Variants in ADAMTS19 observed in about 807,000 individuals in gnomAD.
ADAMTS19 encodes ADAM metallopeptidase with thrombospondin type 1 motif 19, also known as A disintegrin and metalloproteinase with thrombospondin motifs 19.
In ADAMTS19, 93 loss-of-function variants were observed where a neutral mutation model predicts 153.3. The ratio of observed to expected loss-of-function variants is 0.61; its 90% CI spans 0.51 to 0.72. ADAMTS19 has a LOEUF of 0.72. Ranked by LOEUF, ADAMTS19 falls within the 30% of genes least tolerant of loss-of-function variation. The probability of loss-of-function intolerance (pLI) is 0.00; values close to 1 mark genes in which losing one functional copy is unlikely to be tolerated. For missense variants in ADAMTS19, 1,482 were observed against 1,552.1 expected (o/e 0.95, Z 0.76); for synonymous variants, 600 against 556.6 (o/e 1.08, Z -1.10).
At chr5:129,554,614 G>T (rs1400788517) in intron 7 of ADAMTS19, among the ~76,000 whole-genome samples, 2 of 152,168 alleles carry the variant, frequency 1.3e-5, no homozygotes, top group South Asian at 2.1e-4. Flanking sequence ...GAGATGGAAG[G>T]TTTCTTTCTC....
At chr5:129,620,114 C>A (rs1751711297) in intron 8 of ADAMTS19, among the ~76,000 whole-genome samples, 1 of 151,284 alleles carries the variant, frequency 6.6e-6, no homozygotes. Flanking sequence ...ACAAAGAAGG[C>A]CAGGATAATT....
intron 7 of ADAMTS19, among the ~76,000 whole-genome samples, chr5:129,580,828 G>A (rs979766868): frequency 3.3e-5 from 5 of 152,078 alleles, no homozygotes; most frequent in South Asian, 4.1e-4. Context: ...TGCTGGATTC[G>A]GTTTGCCAGA....
intron 21 of ADAMTS19, among the ~76,000 whole-genome samples, chr5:129,713,934 C>T (rs939589861): frequency 4.6e-5 from 7 of 152,126 alleles, no homozygotes; most frequent in South Asian, 2.1e-4. Context: ...GTTCCTTAGT[C>T]CCCCTAGCCT....
intron 6 of ADAMTS19, among the ~76,000 whole-genome samples, chr5:129,531,400 A>G (rs1752198157): frequency 6.6e-6 from 1 of 152,154 alleles, no homozygotes; most frequent in Non-Finnish European, 1.5e-5. Flanking sequence ...TGAGGTGGGC[A>G]GACTGCCTGA....
rs7726403 is a variant in ADAMTS19 at position 129,712,466 on chromosome 5, C to T, written c.3312+8075C>T. ...CCATTTTGTTGTTTAGATATATCCA[C>T]TGAGTACTTACAAAACTTGCTACTC... On this transcript the variant is annotated intron_variant, in intron 21 of 22. Coordinates refer to ENST00000274487, the MANE Select transcript of ADAMTS19 (RefSeq NM_133638.6). Among the ~76,000 whole-genome samples, 1,140 of 152,282 alleles carry T rather than the reference C, an allele frequency of 7.5e-3. 22 individuals carry two copies. Among genetic ancestry groups the T allele is most frequent in the African/African-American group, 0.026 (1,088 of 41,554 alleles).
At chr5:129,472,461 T>G (rs1750098861) in intron 2 of ADAMTS19, among the ~76,000 whole-genome samples, 1 of 152,232 alleles carries the variant, frequency 6.6e-6, no homozygotes, top group African/African-American at 2.4e-5. Context: ...CCTTACTTAA[T>G]AATATCCTCC....
intron 19 of ADAMTS19, among the ~76,000 whole-genome samples, chr5:129,700,530 A>G (rs1755786629): frequency 1.3e-5 from 2 of 152,152 alleles, no homozygotes; most frequent in Non-Finnish European, 2.9e-5. Flanking sequence ...CTCACTGTTA[A>G]GTAGTCTACA....
At chr5:129,603,533 G>A (rs1360506473) in intron 8 of ADAMTS19, among the ~76,000 whole-genome samples, 1 of 152,054 alleles carries the variant, frequency 6.6e-6, no homozygotes, top group Non-Finnish European at 1.5e-5. Context: ...CCAACCAAAA[G>A]TAAACTAACC....
intron 3 of ADAMTS19, among the ~76,000 whole-genome samples, chr5:129,512,523 G>T (rs1037537736): frequency 1.3e-5 from 2 of 152,032 alleles, no homozygotes; most frequent in Non-Finnish European, 2.9e-5. Flanking sequence ...TTAATAAAAA[G>T]ATTACTTCAA....
intron 11 of ADAMTS19, among the ~76,000 whole-genome samples, chr5:129,644,101 A>G (rs937218176): frequency 6.6e-6 from 1 of 152,204 alleles, no homozygotes; most frequent in African/African-American, 2.4e-5. Flanking sequence ...AAATCTTTAA[A>G]GTAAACTTAT....
intron 7 of ADAMTS19, among the ~76,000 whole-genome samples, chr5:129,574,509 G>A (rs1445446452): frequency 6.6e-6 from 1 of 151,884 alleles, no homozygotes; most frequent in Admixed American, 6.6e-5. Context: ...ACCCACTTAT[G>A]AGTGAGAACA....
intron 8 of ADAMTS19, among the ~76,000 whole-genome samples, chr5:129,601,627 G>T (rs1750654179): frequency 1.3e-5 from 2 of 152,274 alleles, no homozygotes; most frequent in South Asian, 4.1e-4. Context: ...AAAGGAAAAA[G>T]TCACATAGGC....
intron 2 of ADAMTS19, among the ~76,000 whole-genome samples, chr5:129,484,561 G>A (rs1027718588): frequency 4.6e-5 from 7 of 152,042 alleles, no homozygotes; most frequent in African/African-American, 1.7e-4. Flanking sequence ...ATATTTTTAA[G>A]GTTTGTTCAG....
intron 11 of ADAMTS19, among the ~76,000 whole-genome samples, chr5:129,643,387 GA>G (rs1243600325): frequency 2.3e-4 from 26 of 114,502 alleles, no homozygotes; most frequent in African/African-American, 6.4e-4. Context: ...AAAAAAAAAA[GA>G]AAAAAAAAAG....
Position 129,519,440 on chromosome 5 carries a change from A to G in ADAMTS19, c.914-6844A>G, listed in dbSNP as rs138952682. On this transcript the variant is annotated intron_variant, in intron 3 of 22. Transcript: ENST00000274487. Reference sequence around the variant, plus strand: ...GCCACCAGCTATGCAGCCTGAGGTTAGGGGAGGGGTGATGCCAGAACTCCC... The same window carrying G: ...GCCACCAGCTATGCAGCCTGAGGTTGGGGGAGGGGTGATGCCAGAACTCCC... Among the ~76,000 whole-genome samples, 256 of 152,126 alleles carry G rather than the reference A, an allele frequency of 1.7e-3. 1 individual carries two copies. The highest frequency in any genetic ancestry group is 3.0e-3 in the Non-Finnish European group (206 of 67,984).
At chr5:129,718,948 T>C (rs1756851208) in intron 21 of ADAMTS19, among the ~76,000 whole-genome samples, 1 of 152,192 alleles carries the variant, frequency 6.6e-6, no homozygotes, top group African/African-American at 2.4e-5. Flanking sequence ...TCCTTAGCTG[T>C]TGGCCTGGAG....
At chr5:129,620,118 G>A (rs1751711555) in intron 8 of ADAMTS19, among the ~76,000 whole-genome samples, 1 of 151,746 alleles carries the variant, frequency 6.6e-6, no homozygotes, top group South Asian at 2.1e-4. Flanking sequence ...AGAAGGCCAG[G>A]ATAATTTGTG....
rs775024035 is a variant in ADAMTS19, at chr5:129,684,208, C to T, written c.2753C>T (p.Ala918Val). The T allele has an allele frequency of 6.2e-7, 1 of 1,614,188 alleles. No individual in the cohort carries two copies. Among genetic ancestry groups the T allele is most frequent in the South Asian group, 1.1e-5 (1 of 91,082 alleles). ...CTTCCAGAAAACCAGAGCTCTAAAG[C>T]ACCTGAGCCCCTCTTCATGTGGACA... is the stretch of plus-strand genomic sequence containing the variant. ...DPLPENQSSK[A>V]PEPLFMWTHT... The change falls in exon 18 of 23, where the codon GCA becomes GTA. Residue 918 changes from alanine to valine, a missense_variant. Physicochemically the swap from Ala to Val is moderately conservative, Grantham distance 64. Around this residue, in one of 2 missense-constraint regions of ADAMTS19, gnomAD observed 616 missense variants for 724.4 expected, o/e 0.85. Transcript: ENST00000274487.
intron 10 of ADAMTS19, among the ~76,000 whole-genome samples, chr5:129,624,594 A>G (rs946053934): frequency 6.6e-6 from 1 of 152,212 alleles, no homozygotes; most frequent in African/African-American, 2.4e-5. Flanking sequence ...GGATCAGTTC[A>G]TCCAAAATGT....
Sources: allele counts gnomAD v4.1 joint callset (sites outside exome capture counted in the v4.1 genomes callset), GRCh38; gene constraint gnomAD v4.1.1; regional missense constraint gnomAD v4.1.1; transcripts MANE v1.5; gene names NCBI Gene and HGNC (gene_info 2026-07-23, HGNC 2026-07-21).